FNDC4: variants seen among roughly 807,000 people sequenced by gnomAD.
FNDC4 encodes fibronectin type III domain-containing protein 4.
Under a neutral mutation model 25.1 loss-of-function variants are expected in FNDC4, and 11 were observed. That is an observed-to-expected ratio of 0.44 (90% CI 0.28 to 0.73). The LOEUF (loss-of-function observed/expected upper bound fraction) is 0.73, where lower values mean the gene tolerates loss of function less well. Ranked by LOEUF, FNDC4 falls within the 30% of genes least tolerant of loss-of-function variation. The probability of loss-of-function intolerance (pLI) is 0.16; values close to 1 mark genes in which losing one functional copy is unlikely to be tolerated. For missense variants in FNDC4, 250 were observed against 304.3 expected (o/e 0.82, Z 1.33); for synonymous variants, 136 against 118.8 (o/e 1.14, Z -0.94).
In FNDC4 at chr2:27,492,841, G is replaced by A. The variant is rs553138603; in HGVS notation, c.545-51C>T. On this transcript the variant is annotated intron_variant, in intron 5 of 6. Coordinates refer to ENST00000264703, the MANE Select transcript of FNDC4 (RefSeq NM_022823.3). The surrounding 1 kb of genome is among the most constrained non-coding windows in gnomAD (Gnocchi z 4.1). ...TCATCTCCACTTCCCCCCTCATAGG[G>A]AGATACCTACGTAGCTTCTAGAAAA... 41 of 1,609,764 alleles carry A rather than the reference G, an allele frequency of 2.5e-5. 1 individual carries two copies. In the East Asian group the frequency reaches 8.5e-4, roughly 33 times the overall value.
In FNDC4 at chr2:27,494,856, G is replaced by A; in HGVS notation, c.-25+22C>T. 1 of 570,622 alleles carries A rather than the reference G, an allele frequency of 1.8e-6. No individual in the cohort carries two copies. The highest frequency in any genetic ancestry group is 3.1e-6 in the Non-Finnish European group (1 of 324,362). 35.3% of individuals were successfully genotyped at this position (570,622 alleles called of 1,614,324 possible). On this transcript the variant is annotated intron_variant, in intron 1 of 6. Coordinates refer to ENST00000264703, the MANE Select transcript of FNDC4 (RefSeq NM_022823.3). This position sits in a 1 kb window ranked among gnomAD's most constrained non-coding sequence, Gnocchi z 4.6. ...CATTGCCCGGGCGGCCCCAGAGTGC[G>A]GTCCGCCCTGCCCACACCCACCTCC...
rs146404455 is a variant in FNDC4, at chr2:27,492,278, C to T, written c.*165G>A. On this transcript the variant is annotated 3_prime_UTR_variant, in exon 7 of 7. Transcript: ENST00000264703. The surrounding 1 kb of genome is among the most constrained non-coding windows in gnomAD (Gnocchi z 4.1). The stretch of plus-strand genomic sequence containing the variant: ...GGGCACAGACTCTGAACAGACCTAC[C>T]TTCTGGCTCTGCTCACAGTGGAAAG... 2.8e-3 allele frequency: 2,286 copies of T among 818,698 alleles called. 6 individuals carry two copies. The highest frequency in any genetic ancestry group is 4.9e-3 in the Admixed American group (248 of 51,130). 50.7% of individuals were successfully genotyped at this position (818,698 alleles called of 1,614,324 possible).
In FNDC4 at chr2:27,492,261, A is replaced by G; in HGVS notation, c.*182T>C. ...CCACTCCCCAGGTCCAGGGGCACAGACTCTGAACAGACCTACCTTCTGGCT... is the reference window on the plus strand; with the variant it reads ...CCACTCCCCAGGTCCAGGGGCACAGGCTCTGAACAGACCTACCTTCTGGCT... On this transcript the variant is annotated 3_prime_UTR_variant, in exon 7 of 7. Transcript: ENST00000264703. The surrounding 1 kb of genome is among the most constrained non-coding windows in gnomAD (Gnocchi z 4.1). 1 of 712,548 alleles carries G rather than the reference A, an allele frequency of 1.4e-6. No homozygotes were observed. Among genetic ancestry groups the G allele is most frequent in the Admixed American group, 2.3e-5 (1 of 44,044 alleles). 44.1% of individuals were successfully genotyped at this position (712,548 alleles called of 1,614,324 possible). A position where few individuals can be genotyped will look rare whatever the true frequency, so the allele number is the denominator to read the frequency against.
chr2:27,493,272 A>G (rs1172296549), intron 5 of FNDC4, 117 bp downstream of exon 5: 1 of 823,674 alleles, frequency 1.2e-6, no homozygotes, highest in South Asian at 1.4e-5. Context: ...TTGGCCTCCC[A>G]AAGTGCTGGG....
chr2:27,493,551 G>T, intron 4 of FNDC4, 73 bp from the exon 5 acceptor site: 2 of 1,187,554 alleles, frequency 1.7e-6, no homozygotes, highest in Non-Finnish European at 2.5e-6. Flanking sequence ...GGATGGAGAT[G>T]CTGGGGATTA....
Position 27,494,030 on chromosome 2 carries a change from G to C in FNDC4, c.354C>G (p.Val118=). ...LAEDSDYTVQ[V]RSIGLRGESP... ...TCTCTCCCCGAAGGCCGATGCTCCT[G>C]ACCTGCACTGTGTAGTCACTGTCTT... The change falls in exon 4 of 7, where the codon GTC becomes GTG. Residue 118 remains valine (V), a synonymous_variant. Coordinates refer to ENST00000264703, the MANE Select transcript of FNDC4 (RefSeq NM_022823.3). The surrounding 1 kb of genome is among the most constrained non-coding windows in gnomAD (Gnocchi z 4.6). 6.2e-7 allele frequency: 1 copy of C among 1,614,196 alleles called. No individual in the cohort carries two copies. Among genetic ancestry groups the C allele is most frequent in the Non-Finnish European group, 8.5e-7 (1 of 1,180,012 alleles).
Position 27,492,194 on chromosome 2 carries a change from TC to T in FNDC4, c.*248del. On this transcript the variant is annotated 3_prime_UTR_variant, in exon 7 of 7. Coordinates refer to ENST00000264703, the MANE Select transcript of FNDC4 (RefSeq NM_022823.3). The surrounding 1 kb of genome is among the most constrained non-coding windows in gnomAD (Gnocchi z 4.1). ...TGGAGTAGGGTACAACTAGTGACTC[TC>T]CCCTGGACCGGGGAATGGAAGGAGA... The T allele has an allele frequency of 1.8e-6, 1 of 570,356 alleles. No individual in the cohort carries two copies. The highest frequency in any genetic ancestry group is 3.1e-6 in the Non-Finnish European group (1 of 319,120). 35.3% of individuals were successfully genotyped at this position (570,356 alleles called of 1,614,324 possible).
rs991983792 is a variant in FNDC4 at position 27,494,286 on chromosome 2, C to G, written c.249+65G>C. ...TACGCCAGCTTCCAGATCCCCCCCA[C>G]TTAAGTGAAGAAATGTGCCGAAATC... On this transcript the variant is annotated intron_variant, in intron 3 of 6. Coordinates refer to ENST00000264703, the MANE Select transcript of FNDC4 (RefSeq NM_022823.3). The surrounding 1 kb of genome is among the most constrained non-coding windows in gnomAD (Gnocchi z 4.6). 6 of 1,475,958 alleles carry G rather than the reference C, an allele frequency of 4.1e-6. No homozygotes were observed. The highest frequency in any genetic ancestry group is 1.2e-5 in the South Asian group (1 of 86,804). 91.4% of individuals were successfully genotyped at this position (1,475,958 alleles called of 1,614,324 possible). A position where few individuals can be genotyped will look rare whatever the true frequency, so the allele number is the denominator to read the frequency against.
At position 27,492,338 on chromosome 2, in the gene FNDC4, C is replaced by CATT. The variant is rs1240540013; in HGVS notation, c.*102_*104dup. The stretch of plus-strand genomic sequence containing the variant: ...ACCAGGCCTGAGATTGTGGGAGTGG[C>CATT]ATTACCCTCTGGGAGTCTCGGGCAG... On this transcript the variant is annotated 3_prime_UTR_variant, in exon 7 of 7. Transcript: ENST00000264703. This position sits in a 1 kb window ranked among gnomAD's most constrained non-coding sequence, Gnocchi z 4.1. The CATT allele has an allele frequency of 2.0e-5, 28 of 1,372,226 alleles. No individual in the cohort carries two copies. The highest frequency in any genetic ancestry group is 2.8e-5 in the Non-Finnish European group (27 of 960,716). 85.0% of individuals were successfully genotyped at this position (1,372,226 alleles called of 1,614,324 possible). A position where few individuals can be genotyped will look rare whatever the true frequency, so the allele number is the denominator to read the frequency against.
At position 27,494,375 on chromosome 2, in the gene FNDC4, G is replaced by A. The variant is rs1461917924; in HGVS notation, c.225C>T (p.Val75=). ...VSWDVPEGNI[V]IGYSISQQRQ... ...CTTGCTGGGAAATGGAGTAGCCAAT[G>A]ACGATGTTGCCTTCTGGGACGTCCC... The change falls in exon 3 of 7, where the codon GTC becomes GTT. Residue 75 remains valine (V), a synonymous_variant. Transcript: ENST00000264703. This position sits in a 1 kb window ranked among gnomAD's most constrained non-coding sequence, Gnocchi z 4.6. 1 of 1,613,838 alleles carries A rather than the reference G, an allele frequency of 6.2e-7. No individual in the cohort carries two copies. The highest frequency in any genetic ancestry group is 8.5e-7 in the Non-Finnish European group (1 of 1,179,690).
rs750977487 is a variant in FNDC4, at chr2:27,494,463, C to G, written c.137G>C (p.Arg46Pro). 6 of 1,614,024 alleles carry G rather than the reference C, an allele frequency of 3.7e-6. No homozygotes were observed. Among genetic ancestry groups the G allele is most frequent in the Non-Finnish European group, 5.1e-6 (6 of 1,179,952 alleles). The part of the protein sequence containing the change: ...SCDLGFVRAD[R>P]PPSPVNVTVT... ...CGTCACATTCACAGGAGAGGGAGGC[C>G]GGTCTGCGGGAGCCAGGGTGTTTAA... The change falls in exon 3 of 7, where the codon CGG (arginine) becomes CCG (proline). Residue 46 changes from arginine to proline, a missense_variant. By Grantham distance (103) the Arg-to-Pro change is moderately radical. Coordinates refer to ENST00000264703, the MANE Select transcript of FNDC4 (RefSeq NM_022823.3). This position sits in a 1 kb window ranked among gnomAD's most constrained non-coding sequence, Gnocchi z 4.6.
Position 27,492,832 on chromosome 2 carries a change from C to A in FNDC4, c.545-42G>T. 4 of 1,612,380 alleles carry A rather than the reference C, an allele frequency of 2.5e-6. No individual in the cohort carries two copies. The highest frequency in any genetic ancestry group is 3.4e-6 in the Non-Finnish European group (4 of 1,179,378). The stretch of plus-strand genomic sequence containing the variant: ...TCTGAGCCTTCATCTCCACTTCCCC[C>A]CTCATAGGGAGATACCTACGTAGCT... On this transcript the variant is annotated intron_variant, in intron 5 of 6. Coordinates refer to ENST00000264703, the MANE Select transcript of FNDC4 (RefSeq NM_022823.3). The surrounding 1 kb of genome is among the most constrained non-coding windows in gnomAD (Gnocchi z 4.1).
Position 27,492,246 on chromosome 2 carries a change from G to A in FNDC4, c.*197C>T, listed in dbSNP as rs142253706. On this transcript the variant is annotated 3_prime_UTR_variant, in exon 7 of 7. Coordinates refer to ENST00000264703, the MANE Select transcript of FNDC4 (RefSeq NM_022823.3). This position sits in a 1 kb window ranked among gnomAD's most constrained non-coding sequence, Gnocchi z 4.1. ...TATCCCATCTGATATCCACTCCCCA[G>A]GTCCAGGGGCACAGACTCTGAACAG... 7.7e-6 allele frequency: 5 copies of A among 650,852 alleles called. No homozygotes were observed. The Admixed American group carries it at 1.3e-4, about 17-fold the overall frequency. 40.3% of individuals were successfully genotyped at this position (650,852 alleles called of 1,614,324 possible). A position where few individuals can be genotyped will look rare whatever the true frequency, so the allele number is the denominator to read the frequency against.
Position 27,494,651 on chromosome 2 carries a change from G to A in FNDC4, c.29C>T (p.Pro10Leu), listed in dbSNP as rs200995008. 3.8e-6 allele frequency: 6 copies of A among 1,581,842 alleles called. No homozygotes were observed. Among genetic ancestry groups the A allele is most frequent in the Admixed American group, 3.9e-5 (2 of 51,404 alleles). MPSGCHSSP[P>L]SGLRGDMASL... ...AGCCATGTCCCCACGGAGTCCGCTG[G>A]GGGGGGAACTGTGGCATCCGCTTGG... The change falls in exon 2 of 7, where the codon CCC becomes CTC. Residue 10 changes from proline (P) to leucine (L), a missense_variant. Coordinates refer to ENST00000264703, the MANE Select transcript of FNDC4 (RefSeq NM_022823.3). The surrounding 1 kb of genome is among the most constrained non-coding windows in gnomAD (Gnocchi z 4.6).
At position 27,494,647 on chromosome 2, in the gene FNDC4, G is replaced by A. The variant is rs372961149; in HGVS notation, c.33C>T (p.Ser11=). 5.0e-6 allele frequency: 8 copies of A among 1,587,818 alleles called. No homozygotes were observed. Among genetic ancestry groups the A allele is most frequent in the Non-Finnish European group, 6.8e-6 (8 of 1,169,174 alleles). Residue 11 remains serine (S), a synonymous_variant, in exon 2 of 7, where the codon AGC becomes AGT. Coordinates refer to ENST00000264703, the MANE Select transcript of FNDC4 (RefSeq NM_022823.3). The surrounding 1 kb of genome is among the most constrained non-coding windows in gnomAD (Gnocchi z 4.6). ...GCGAAGCCATGTCCCCACGGAGTCC[G>A]CTGGGGGGGGAACTGTGGCATCCGC... MPSGCHSSPP[S]GLRGDMASLV...
intron 4 of FNDC4, 128 bp from the exon 5 acceptor site, chr2:27,493,606 G>T: frequency 3.6e-6 from 3 of 834,430 alleles, no homozygotes; most frequent in Non-Finnish European, 5.9e-6. Flanking sequence ...GTGTAGGGTA[G>T]CCCCTCCCTG....
rs1669286121 is a variant in FNDC4 at position 27,492,765 on chromosome 2, C to T, written c.570G>A (p.Gln190=). Residue 190 remains glutamine, a synonymous_variant, in exon 6 of 7, where the codon CAG becomes CAA. Coordinates refer to ENST00000264703, the MANE Select transcript of FNDC4 (RefSeq NM_022823.3). This position sits in a 1 kb window ranked among gnomAD's most constrained non-coding sequence, Gnocchi z 4.1. The stretch of plus-strand genomic sequence containing the variant: ...AGTCATTGTCCTTGATGATGTCATA[C>T]TGACGGCAGAACAGCCCAATTACAG... ...WAAVIGLFCR[Q]YDIIKDNDSN... is the part of the protein sequence containing the mutation. The T allele has an allele frequency of 6.2e-7, 1 of 1,614,010 alleles. No homozygotes were observed. Among genetic ancestry groups the T allele is most frequent in the Admixed American group, 1.7e-5 (1 of 60,004 alleles).
chr2:27,494,449 C>T lies in FNDC4; in HGVS notation c.151G>A (p.Val51Met). ...FVRADRPPSP[V>M]NVTVTHLRAN... ...CTGAGGTGAGTGACCGTCACATTCA[C>T]AGGAGAGGGAGGCCGGTCTGCGGGA... The change falls in exon 3 of 7, where the codon GTG becomes ATG. Residue 51 changes from valine (V) to methionine (M), a missense_variant. Transcript: ENST00000264703. The surrounding 1 kb of genome is among the most constrained non-coding windows in gnomAD (Gnocchi z 4.6). 14 of 1,614,210 alleles carry T rather than the reference C, an allele frequency of 8.7e-6. No homozygotes were observed. The highest frequency in any genetic ancestry group is 1.2e-5 in the Non-Finnish European group (14 of 1,180,024).
Position 27,492,867 on chromosome 2 carries a change from T to C in FNDC4, c.545-77A>G. On this transcript the variant is annotated intron_variant, in intron 5 of 6. Coordinates refer to ENST00000264703, the MANE Select transcript of FNDC4 (RefSeq NM_022823.3). This position sits in a 1 kb window ranked among gnomAD's most constrained non-coding sequence, Gnocchi z 4.1. ...AGATACCTACGTAGCTTCTAGAAAA[T>C]CCATGAAGAACATCCTGAATTCCTG... The C allele has an allele frequency of 6.4e-7, 1 of 1,568,500 alleles. No individual in the cohort carries two copies. Among genetic ancestry groups the C allele is most frequent in the Non-Finnish European group, 8.7e-7 (1 of 1,146,100 alleles).
Sources: gnomAD v4.1 joint callset for allele counts on GRCh38, gnomAD v4.1.1 for gene constraint, Gnocchi (gnomAD v3.1) non-coding constraint, MANE v1.5 for transcripts, NCBI Gene and HGNC (gene_info 2026-07-23, HGNC 2026-07-21) for gene names.